The following TPM1 variants were observed in gnomAD, a reference collection of about 807,000 sequenced individuals.
TPM1 encodes tropomyosin alpha-1 chain.
TPM1 carries 24 observed loss-of-function variants against 42.9 expected under a neutral mutation model. The observed-to-expected ratio is 0.56, with a 90% CI of 0.41 to 0.79. The LOEUF (loss-of-function observed/expected upper bound fraction) is 0.79, where lower values mean the gene tolerates loss of function less well. Among genes scored for constraint, TPM1 ranks in the 30% least tolerant of loss-of-function variants. TPM1 has a pLI of 0.00. For synonymous variants in TPM1, 136 were observed against 130.1 expected, an observed-to-expected ratio of 1.05 and a Z score of -0.31; for missense variants, 158 against 351.8, an observed-to-expected ratio of 0.45 and a Z score of 4.41.
intron 2 of TPM1, chr15:63,048,338 G>T: frequency 9.0e-7 from 1 of 1,116,604 alleles, no homozygotes; most frequent in Non-Finnish European, 1.2e-6. Context: ...AGCCAGTCCC[G>T]GGATCCACGG....
chr15:63,050,309 G>A (rs189753043), intron 2 of TPM1, among the ~76,000 whole-genome samples: 95 of 152,276 alleles, frequency 6.2e-4, no homozygotes, highest in Non-Finnish European at 1.2e-3. Context: ...TTGGGGCGGG[G>A]GGCTTGAATG....
intron 2 of TPM1, chr15:63,046,717 A>G (rs2032458488): frequency 6.6e-6 from 1 of 152,620 alleles, no homozygotes; most frequent in Non-Finnish European, 1.5e-5. Context: ...TTTATAGCAT[A>G]TGAGTCTTTA....
rs578062939 is a variant in TPM1, at chr15:63,061,487, G to T, written c.564-226G>T. On this transcript the variant is annotated intron_variant, in intron 5 of 9. Coordinates refer to ENST00000403994, the MANE Select transcript of TPM1 (RefSeq NM_001018005.2). ...CAGCCAAAAAAGGAGCCAAATTATC[G>T]CACTTCAAAGTTGTTGGATTTGGTC... is the stretch of plus-strand genomic sequence containing the variant. 2.9e-3 allele frequency: 2,106 copies of T among 717,290 alleles called. 3 individuals carry two copies. Among genetic ancestry groups the T allele is most frequent in the Non-Finnish European group, 4.5e-3 (1,861 of 410,600 alleles). 44.4% of individuals were successfully genotyped at this position (717,290 alleles called of 1,614,324 possible).
At chr15:63,059,523 G>C (rs1011955826) in intron 3 of TPM1, 40 bp from the exon 4 acceptor site, 2 of 1,540,528 alleles carry the variant, frequency 1.3e-6, no homozygotes, top group East Asian at 2.3e-5. Context: ...GGGAAGTTCA[G>C]CTCTAAATCT....
chr15:63,065,295 G>A (rs934980580), intron 9 of TPM1: 145 of 989,020 alleles, frequency 1.5e-4, no homozygotes, highest in Non-Finnish European at 1.7e-4. Context: ...ATGTTTCAGA[G>A]TTCTTCATTC....
Position 63,057,063 on chromosome 15 carries a change from G to A in TPM1, c.319G>A (p.Ala107Thr). The A allele has an allele frequency of 6.2e-7, 1 of 1,614,210 alleles. No individual in the cohort carries two copies. The highest frequency in any genetic ancestry group is 8.5e-7 in the Non-Finnish European group (1 of 1,180,032). ...GTTGGATCGTGCCCAGGAGCGTCTG[G>A]CAACAGCTTTGCAGAAGCTGGAGGA... Reference protein sequence around the residue: ...EELDRAQERLATALQKLEEAE... With the variant: ...EELDRAQERLTTALQKLEEAE... Residue 107 changes from alanine to threonine, a missense_variant, in exon 3 of 10, where the codon GCA (alanine) becomes ACA (threonine). By Grantham distance (58) the Ala-to-Thr change is moderately conservative (BLOSUM62 0). This residue lies in a region of TPM1 where 65 missense variants were observed against 208.8 expected (regional missense o/e 0.31). Coordinates refer to ENST00000403994, the MANE Select transcript of TPM1 (RefSeq NM_001018005.2).
intron 3 of TPM1, 98 bp downstream of exon 3, chr15:63,057,216 C>G (rs942505741): frequency 6.5e-7 from 1 of 1,533,500 alleles, no homozygotes; most frequent in Non-Finnish European, 8.9e-7. Flanking sequence ...TTTTTCAGTC[C>G]CCTGGTGGTG....
At chr15:63,057,202 A>C in intron 3 of TPM1, 84 bp downstream of exon 3, 2 of 1,572,616 alleles carry the variant, frequency 1.3e-6, no homozygotes, top group Non-Finnish European at 1.7e-6. Context: ...TTGAGGTTTA[A>C]GAATTTTTCA....
Position 63,064,711 on chromosome 15 carries a change from A to T in TPM1, c.851+569A>T, listed in dbSNP as rs531652760. On this transcript the variant is annotated intron_variant, in intron 9 of 9. Transcript: ENST00000403994. ...CCGGGCACAGTGGCTCACGCCTGTA[A>T]TCCCAGCACTTTGGGAGGCCGAGGC... 3 of 977,636 alleles carry T rather than the reference A, an allele frequency of 3.1e-6. No individual in the cohort carries two copies. The East Asian group carries it at 3.4e-4, about 111-fold the overall frequency. The allele number at this position is 977,636 out of a possible 1,614,324, so 60.6% of individuals were successfully genotyped here. A position where few individuals can be genotyped will look rare whatever the true frequency, so the allele number is the denominator to read the frequency against.
chr15:63,048,418 G>A, intron 2 of TPM1: 2 of 1,354,768 alleles, frequency 1.5e-6, no homozygotes, highest in Non-Finnish European at 1.9e-6. Flanking sequence ...TGCGACTTCC[G>A]GACTGCTCCT....
downstream of TPM1, chr15:63,070,984 C>A: frequency 1.3e-6 from 2 of 1,579,924 alleles, no homozygotes; most frequent in African/African-American, 1.4e-5. Flanking sequence ...TAGTTCTAAT[C>A]ATCTCATCCT....
chr15:63,061,356 T>G (rs924651994), intron 5 of TPM1: 2 of 1,280,138 alleles, frequency 1.6e-6, no homozygotes, highest in African/African-American at 2.9e-5. Flanking sequence ...TCGTTTGGTA[T>G]AACGACTGCA....
intron 2 of TPM1, chr15:63,056,125 T>A (rs1356899876): frequency 6.6e-6 from 1 of 152,266 alleles, no homozygotes; most frequent in African/African-American, 2.4e-5. Context: ...TGGGCCTTCA[T>A]GTGGTGTGTA....
At chr15:63,069,399 G>A (rs1379035056), downstream of TPM1, among the ~76,000 whole-genome samples, 4 of 152,156 alleles carry the variant, frequency 2.6e-5, no homozygotes, top group Non-Finnish European at 1.5e-5. Flanking sequence ...TGAACGGAGA[G>A]GAAAGGGGTT....
chr15:63,046,095 C>T (rs894234404), intron 2 of TPM1: 3 of 152,216 alleles, frequency 2.0e-5, no homozygotes, highest in African/African-American at 7.2e-5. Context: ...GGTACTTACA[C>T]AAACCTAGAG....
At chr15:63,049,969 G>A (rs1418586664) in intron 2 of TPM1, among the ~76,000 whole-genome samples, 3 of 152,152 alleles carry the variant, frequency 2.0e-5, no homozygotes, top group Non-Finnish European at 2.9e-5. Flanking sequence ...AAGAACTTTG[G>A]ACCCAGACTG....
intron 9 of TPM1, chr15:63,065,508 C>T: frequency 1.0e-6 from 1 of 985,432 alleles, no homozygotes; most frequent in Non-Finnish European, 1.2e-6. Flanking sequence ...TGTGTCTTCT[C>T]ATCCCTCATT....
intron 2 of TPM1, chr15:63,049,099 T>G: frequency 4.1e-6 from 1 of 245,788 alleles, no homozygotes; most frequent in South Asian, 3.5e-5. Context: ...TCCTTCCTCT[T>G]GGAGATCCGT....
intron 1 of TPM1, chr15:63,043,451 T>G (rs1350579166): frequency 1.5e-6 from 1 of 674,304 alleles, no homozygotes; most frequent in East Asian, 3.0e-5. Flanking sequence ...AGTGGCGTTC[T>G]TCTGTGTCCC....
Sources: allele counts gnomAD v4.1 joint callset (sites outside exome capture counted in the v4.1 genomes callset), GRCh38; gene constraint gnomAD v4.1.1; regional missense constraint gnomAD v4.1.1; transcripts MANE v1.5; gene names NCBI Gene and HGNC (gene_info 2026-07-23, HGNC 2026-07-21).